Variants in SLC44A5 observed in about 807,000 individuals in gnomAD.
The protein encoded by SLC44A5 is solute carrier family 44 member 5.
SLC44A5 carries 57 observed loss-of-function variants against 101.8 expected under a neutral mutation model. That is an observed-to-expected ratio of 0.56 (90% confidence interval 0.45 to 0.70). SLC44A5 has a LOEUF of 0.70. Ranked by LOEUF, SLC44A5 falls within the 30% of genes least tolerant of loss-of-function variation. The pLI, the probability that SLC44A5 is intolerant of heterozygous loss-of-function variation, is 0.00. For synonymous variants in SLC44A5, 281 were observed against 290.9 expected, an observed-to-expected ratio of 0.97 and a Z score of 0.35; for missense variants, 737 against 853.1, an observed-to-expected ratio of 0.86 and a Z score of 1.70.
intron 3 of SLC44A5, 93 bp downstream of exon 3, chr1:75,396,490 C>T (rs1230568269): frequency 1.8e-5 from 18 of 1,027,510 alleles, no homozygotes; most frequent in East Asian, 9.6e-5. Context: ...ACAAATATTT[C>T]GCTATTCCTA....
chr1:75,721,515 T>C, the SLC44A5 span, among the ~76,000 whole-genome samples: 1 of 152,250 alleles, frequency 6.6e-6, no homozygotes, highest in Admixed American at 6.5e-5. Flanking sequence ...GCCAAAAGAT[T>C]GGACACTGCT....
the SLC44A5 span, among the ~76,000 whole-genome samples, chr1:75,715,369 G>T: frequency 5.3e-5 from 8 of 152,172 alleles, no homozygotes; most frequent in Non-Finnish European, 1.2e-4. Flanking sequence ...CAAAGCTAGA[G>T]ACATCATGCT....
At chr1:75,217,997 ATAC>A in intron 17 of SLC44A5, 37 bp from the exon 18 acceptor site, 2 of 1,332,956 alleles carry the variant, frequency 1.5e-6, no homozygotes, top group Non-Finnish European at 2.2e-6. Flanking sequence ...TTAAAACTTA[ATAC>A]TATTATTTAA....
At chr1:75,389,127 A>T (rs76355719) in intron 3 of SLC44A5, among the ~76,000 whole-genome samples, 3,356 of 152,316 alleles carry the variant, frequency 0.022, 133 homozygotes, top group African/African-American at 0.076. Flanking sequence ...AACAAAAAAG[A>T]CATATTTGCC....
chr1:75,663,860 G>A, the SLC44A5 span, among the ~76,000 whole-genome samples: 6 of 152,050 alleles, frequency 3.9e-5, no homozygotes, highest in Non-Finnish European at 8.8e-5. Context: ...AATGATAAAA[G>A]AAAACTACTG....
Position 75,343,980 on chromosome 1 carries a change from T to C in SLC44A5, c.53-4350A>G, listed in dbSNP as rs796880707. ...TTTACGATATGGCTCATCTCACCAG[T>C]CTTATTTCTTATAATGCCCCTCTTT... On this transcript the variant is annotated intron_variant, in intron 3 of 23. Transcript: ENST00000370859. Among the ~76,000 whole-genome samples the C allele has an allele frequency of 2.6e-5, 4 of 152,164 alleles. 1 individual carries two copies. The highest frequency in any genetic ancestry group is 9.6e-5 in the African/African-American group (4 of 41,550).
chr1:75,422,042 A>G (rs1664039046), intron 2 of SLC44A5, among the ~76,000 whole-genome samples: 1 of 152,144 alleles, frequency 6.6e-6, no homozygotes, highest in Non-Finnish European at 1.5e-5. Flanking sequence ...AAATTACTGA[A>G]CTCAAGAAAT....
intron 4 of SLC44A5, among the ~76,000 whole-genome samples, chr1:75,321,127 C>G (rs1476858644): frequency 6.6e-6 from 1 of 152,050 alleles, no homozygotes; most frequent in Non-Finnish European, 1.5e-5. Context: ...AAATCTTTGT[C>G]TATATATAAC....
At chr1:75,319,686 T>C (rs1210486046) in intron 4 of SLC44A5, among the ~76,000 whole-genome samples, 3 of 152,192 alleles carry the variant, frequency 2.0e-5, no homozygotes, top group East Asian at 1.9e-4. Flanking sequence ...GACAAAAATA[T>C]GTGTGTTTAA....
At chr1:75,640,213 T>G in the SLC44A5 span, among the ~76,000 whole-genome samples, 1 of 152,072 alleles carries the variant, frequency 6.6e-6, no homozygotes, top group African/African-American at 2.4e-5. Flanking sequence ...CAGCTGGGGC[T>G]GGATGATATC....
chr1:75,723,136 C>T, the SLC44A5 span, among the ~76,000 whole-genome samples: 1 of 152,176 alleles, frequency 6.6e-6, no homozygotes, highest in Non-Finnish European at 1.5e-5. Flanking sequence ...CCCCTTCCAG[C>T]CAATGGAAAC....
chr1:75,479,817 G>C (rs1315972119), intron 2 of SLC44A5, among the ~76,000 whole-genome samples: 1 of 152,216 alleles, frequency 6.6e-6, no homozygotes, highest in Non-Finnish European at 1.5e-5. Context: ...AATTCTACCA[G>C]AGGTACAAGG....
chr1:75,415,620 G>A (rs975269901), intron 2 of SLC44A5, among the ~76,000 whole-genome samples: 4 of 152,188 alleles, frequency 2.6e-5, no homozygotes, highest in African/African-American at 9.7e-5. Flanking sequence ...ACAGTTTAGA[G>A]GGCTCAGAGG....
At chr1:75,292,800 A>T (rs1007151124) in intron 5 of SLC44A5, among the ~76,000 whole-genome samples, 1 of 152,218 alleles carries the variant, frequency 6.6e-6, no homozygotes, top group Non-Finnish European at 1.5e-5. Flanking sequence ...TTAGTTGAAG[A>T]TCATGGGGTT....
chr1:75,486,849 A>G (rs1050394737), intron 2 of SLC44A5, among the ~76,000 whole-genome samples: 19 of 152,306 alleles, frequency 1.2e-4, no homozygotes, highest in Admixed American at 8.5e-4. Context: ...TTGATATTGT[A>G]TTATTTCAAT....
intron 4 of SLC44A5, among the ~76,000 whole-genome samples, chr1:75,338,658 T>C (rs1245900976): frequency 6.6e-6 from 1 of 152,202 alleles, no homozygotes; most frequent in East Asian, 1.9e-4. Context: ...AGAAGGTGCC[T>C]TTATTCTAAG....
Position 75,607,633 on chromosome 1 carries a change from C to A in SLC44A5, c.-70+3407G>T, listed in dbSNP as rs138400250. On this transcript the variant is annotated intron_variant, in intron 1 of 23. Transcript: ENST00000370859. ...ATTCCCACATGTCATGGGAGGGACCCAGTGGGAGGTAATTGAATCATGGGG... is the reference window on the plus strand; with the variant it reads ...ATTCCCACATGTCATGGGAGGGACCAAGTGGGAGGTAATTGAATCATGGGG... 5.7e-3 allele frequency among the ~76,000 whole-genome samples: 867 copies of A among 152,052 alleles called. 15 individuals carry two copies. The highest frequency in any genetic ancestry group is 0.035 in the Admixed American group (529 of 15,248).
At chr1:75,439,964 T>C (rs1378669166) in intron 2 of SLC44A5, among the ~76,000 whole-genome samples, 1 of 152,096 alleles carries the variant, frequency 6.6e-6, no homozygotes, top group African/African-American at 2.4e-5. Context: ...TATCTAAAGA[T>C]TGACAGCACA....
chr1:75,257,772 A>G (rs1218298878), intron 6 of SLC44A5, among the ~76,000 whole-genome samples: 1 of 152,114 alleles, frequency 6.6e-6, no homozygotes, highest in East Asian at 1.9e-4. Flanking sequence ...ATGGCTAAAT[A>G]GGAACAGCTC....
Sources: gnomAD v4.1 joint callset for allele counts (sites outside exome capture counted in the v4.1 genomes callset) on GRCh38, gnomAD v4.1.1 for gene constraint, MANE v1.5 for transcripts, NCBI Gene and HGNC (gene_info 2026-07-23, HGNC 2026-07-21) for gene names.